The following CRYAB variants were observed in gnomAD, a reference collection of about 807,000 sequenced individuals.
CRYAB encodes the protein crystallin alpha B, also known as alpha-crystallin B chain.
Under a neutral mutation model 12.7 loss-of-function variants are expected in CRYAB, and 9 were observed. That is an observed-to-expected ratio of 0.71 (90% CI 0.43 to 1.24). CRYAB has a LOEUF of 1.24. Among genes scored for constraint, CRYAB ranks in the 50% most tolerant of loss-of-function variants. The pLI is 0.00. For synonymous variants in CRYAB, 93 were observed against 86.8 expected, an observed-to-expected ratio of 1.07 and a Z score of -0.40; for missense variants, 183 against 226.6, an observed-to-expected ratio of 0.81 and a Z score of 1.24.
chr11:111,910,320 T>A lies in CRYAB; in HGVS notation c.324+7A>T. 1 of 1,614,134 alleles carries A rather than the reference T, an allele frequency of 6.2e-7. No homozygotes were observed. Among genetic ancestry groups the A allele is most frequent in the Non-Finnish European group, 8.5e-7 (1 of 1,180,026 alleles). Reference sequence around the variant, plus strand: ...ATGAGCAGAAAACAAAAAAACAAGCTACATACCTGGCGCTCTTCATGTTTT... The same window carrying A: ...ATGAGCAGAAAACAAAAAAACAAGCAACATACCTGGCGCTCTTCATGTTTT... On this transcript the variant is annotated splice_region_variant and intron_variant, in intron 2 of 2. Transcript: ENST00000650687.
At chr11:111,917,008 C>T (rs1364229787), upstream of CRYAB, among the ~76,000 whole-genome samples, 4 of 152,098 alleles carry the variant, frequency 2.6e-5, no homozygotes, top group Non-Finnish European at 5.9e-5. Context: ...GCACACATCA[C>T]CACACCTGGC....
At chr11:111,909,965 G>GTAGAT in intron 2 of CRYAB, 2 of 592,388 alleles carry the variant, frequency 3.4e-6, no homozygotes, top group Admixed American at 3.0e-5. Flanking sequence ...CTGGAGTAGT[G>GTAGAT]CTCGCTTCGG....
intron 1 of CRYAB, among the ~76,000 whole-genome samples, chr11:111,919,921 C>G (rs1232750894): frequency 6.6e-6 from 1 of 152,148 alleles, no homozygotes; most frequent in South Asian, 2.1e-4. Context: ...AAGTGCCAGG[C>G]GTGGTGGCTC....
chr11:111,909,974 G>T (rs1362568741), intron 2 of CRYAB: 2 of 595,178 alleles, frequency 3.4e-6, no homozygotes, highest in African/African-American at 1.9e-5. Flanking sequence ...TGCTCGCTTC[G>T]GCAGCACATA....
chr11:111,921,524 T>C (rs1446137172), intron 1 of CRYAB, among the ~76,000 whole-genome samples: 1 of 152,204 alleles, frequency 6.6e-6, no homozygotes, highest in East Asian at 1.9e-4. Flanking sequence ...AACAAAAATA[T>C]GTGTTTCCTG....
In CRYAB at chr11:111,908,636, G is replaced by A. The variant is rs1022643136; in HGVS notation, c.*128C>T. 9.8e-6 allele frequency: 8 copies of A among 812,834 alleles called. No homozygotes were observed. Among genetic ancestry groups the A allele is most frequent in the East Asian group, 2.6e-5 (1 of 38,760 alleles). 50.4% of individuals were successfully genotyped at this position (812,834 alleles called of 1,614,324 possible). On this transcript the variant is annotated 3_prime_UTR_variant, in exon 3 of 3. Coordinates refer to ENST00000650687, the MANE Select transcript of CRYAB (RefSeq NM_001289808.2). ...ACAAGACAGTTATCTGTTGCTGAATGATATTTTATTAGCTTGATAATTTGG... is the reference window on the plus strand; with the variant it reads ...ACAAGACAGTTATCTGTTGCTGAATAATATTTTATTAGCTTGATAATTTGG...
At chr11:111,920,178 G>C (rs1555166401) in intron 1 of CRYAB, among the ~76,000 whole-genome samples, 2 of 151,986 alleles carry the variant, frequency 1.3e-5, no homozygotes, top group African/African-American at 4.8e-5. Flanking sequence ...CTGGGTGACA[G>C]AGCAAGACTC....
chr11:111,913,207 TCCTCCTCCC>T, upstream of CRYAB: 1 of 598,750 alleles, frequency 1.7e-6, no homozygotes. Flanking sequence ...TGGTGCCTCC[TCCTCCTCCC>T]CCTCCTCCTC....
upstream of CRYAB, chr11:111,912,681 T>TCCCC: frequency 2.2e-5 from 5 of 228,610 alleles, no homozygotes; most frequent in African/African-American, 1.5e-4. Context: ...TCCCAGCCCC[T>TCCCC]CCCCCCCCAA....
chr11:111,914,483 A>G (rs1837229436), upstream of CRYAB, among the ~76,000 whole-genome samples: 1 of 152,134 alleles, frequency 6.6e-6, no homozygotes, highest in Admixed American at 6.5e-5. Flanking sequence ...TGGAGTGAAT[A>G]CTTTGTTTTC....
At position 111,911,031 on chromosome 11, in the gene CRYAB, G is replaced by A. The variant is rs1466891880; in HGVS notation, c.201+493C>T. 14 of 224,336 alleles carry A rather than the reference G, an allele frequency of 6.2e-5. 1 individual carries two copies. Among genetic ancestry groups the A allele is most frequent in the African/African-American group, 2.7e-4 (12 of 43,876 alleles). 13.9% of individuals were successfully genotyped at this position (224,336 alleles called of 1,614,324 possible). ...ATTGTTTCCTCGTAGGGCTTGATTG[G>A]ACCCAGGCCAGCGCCCTGTCGTAGC... On this transcript the variant is annotated intron_variant, in intron 1 of 2. Coordinates refer to ENST00000650687, the MANE Select transcript of CRYAB (RefSeq NM_001289808.2).
At chr11:111,920,542 A>C (rs2137399009) in intron 1 of CRYAB, among the ~76,000 whole-genome samples, 1 of 152,082 alleles carries the variant, frequency 6.6e-6, no homozygotes, top group South Asian at 2.1e-4. Flanking sequence ...TGTCTTGAAA[A>C]AAAAAAAGAA....
At chr11:111,912,038 C>A (rs1555165663), upstream of CRYAB, 1 of 326,484 alleles carries the variant, frequency 3.1e-6, no homozygotes. Context: ...TTCTCTGAAG[C>A]TGGTACAGAG....
At chr11:111,913,064 C>T, upstream of CRYAB, 1 of 670,186 alleles carries the variant, frequency 1.5e-6, no homozygotes, top group Non-Finnish European at 2.7e-6. Flanking sequence ...CAGACTACCC[C>T]TCATCCCCTC....
rs527662467 is a variant in CRYAB, at chr11:111,911,761, C to G, written c.-37G>C. 5 of 1,380,024 alleles carry G rather than the reference C, an allele frequency of 3.6e-6. No individual in the cohort carries two copies. Among genetic ancestry groups the G allele is most frequent in the African/African-American group, 1.4e-5 (1 of 70,160 alleles). The allele number at this position is 1,380,024 out of a possible 1,614,324, so 85.5% of individuals were successfully genotyped here. ...GAGTGTGAGGGGTCAGCTGGCTGGT[C>G]AGCTCCTTCAGCTGCAGCTACAGCC... On this transcript the variant is annotated 5_prime_UTR_variant, in exon 1 of 3. Coordinates refer to ENST00000650687, the MANE Select transcript of CRYAB (RefSeq NM_001289808.2).
upstream of CRYAB, chr11:111,912,686 C>T: frequency 3.8e-6 from 2 of 526,932 alleles, no homozygotes; most frequent in Non-Finnish European, 6.8e-6. Flanking sequence ...GCCCCTCCCC[C>T]CCCAAGAGGC....
At chr11:111,917,239 G>C (rs1592515405), upstream of CRYAB, among the ~76,000 whole-genome samples, 1 of 152,168 alleles carries the variant, frequency 6.6e-6, no homozygotes, top group African/African-American at 2.4e-5. Flanking sequence ...GGAGGGCTTG[G>C]AGTGCCAGGC....
upstream of CRYAB, among the ~76,000 whole-genome samples, chr11:111,914,408 G>T (rs1400357281): frequency 6.6e-6 from 1 of 152,218 alleles, no homozygotes; most frequent in Non-Finnish European, 1.5e-5. Context: ...TCTCCAGACT[G>T]TCTGGCCCTT....
upstream of CRYAB, chr11:111,912,616 T>C: frequency 1.7e-6 from 1 of 590,986 alleles, no homozygotes; most frequent in East Asian, 2.8e-5. Flanking sequence ...GGGAGGGGAC[T>C]AGGGGTCCGG....
Sources: gnomAD v4.1 joint callset for allele counts (sites outside exome capture counted in the v4.1 genomes callset) on GRCh38, gnomAD v4.1.1 for gene constraint, MANE v1.5 for transcripts, NCBI Gene and HGNC (gene_info 2026-07-23, HGNC 2026-07-21) for gene names.